NLGN1: variants seen among roughly 807,000 people sequenced by gnomAD.
The protein encoded by NLGN1 is neuroligin-1.
A neutral mutation model predicts 65.5 loss-of-function variants in NLGN1; 12 were observed. That is an observed-to-expected ratio of 0.18 (90% CI 0.12 to 0.30). The LOEUF is 0.30. Ranked by LOEUF, NLGN1 falls within the 10% of genes least tolerant of loss-of-function variation. NLGN1 has a pLI of 1.00. For missense variants in NLGN1, 750 were observed against 1,007.1 expected (o/e 0.74, Z 3.46); for synonymous variants, 350 against 359.5 (o/e 0.97, Z 0.30).
At chr3:173,910,437 A>G (rs961612841) in intron 4 of NLGN1, 2 of 152,190 alleles carry the variant, frequency 1.3e-5, no homozygotes. Context: ...ACATATGATC[A>G]TTCTAAGCCT....
rs9820130 is a variant in NLGN1, at chr3:173,649,662, C to T, written c.493+44571C>T. Reference sequence around the variant, plus strand: ...AGGTACTTATCGTTCTATCTCACAACACACAGGCAACTATAATCACACACA... The same window carrying T: ...AGGTACTTATCGTTCTATCTCACAATACACAGGCAACTATAATCACACACA... On this transcript the variant is annotated intron_variant, in intron 3 of 6. Coordinates refer to ENST00000457714, the Ensembl canonical transcript of NLGN1. Among the ~76,000 whole-genome samples, 1,159 of 152,114 alleles carry T rather than the reference C, an allele frequency of 7.6e-3. 19 individuals are homozygous for T. Among genetic ancestry groups the T allele is most frequent in the African/African-American group, 0.027 (1,107 of 41,506 alleles).
intron 4 of NLGN1, among the ~76,000 whole-genome samples, chr3:173,831,024 C>T (rs1722451260): frequency 6.6e-6 from 1 of 152,180 alleles, no homozygotes; most frequent in Admixed American, 6.5e-5. Context: ...TTATAGCTCT[C>T]AATTTGGTCA....
In NLGN1 at chr3:173,598,324, A is replaced by G. The variant is rs530810073; in HGVS notation, c.-320-5955A>G. 2.6e-5 allele frequency among the ~76,000 whole-genome samples: 4 copies of G among 152,288 alleles called. No individual in the cohort carries two copies. In the South Asian group the frequency reaches 8.3e-4, roughly 32 times the overall value. ...TATGCATCAATAGCCTTGTGATGAC[A>G]CTGCTGTTACATCATATATTCATAT... On this transcript the variant is annotated intron_variant, in intron 2 of 6. Transcript: ENST00000457714.
intron 2 of NLGN1, among the ~76,000 whole-genome samples, chr3:173,505,220 T>C (rs1443531597): frequency 1.3e-5 from 2 of 152,082 alleles, no homozygotes. Flanking sequence ...TTTTAATTTA[T>C]GAACACCTCC....
At chr3:173,865,420 C>G (rs895312555) in intron 4 of NLGN1, among the ~76,000 whole-genome samples, 1 of 152,068 alleles carries the variant, frequency 6.6e-6, no homozygotes, top group Admixed American at 6.6e-5. Context: ...CTTACATGTA[C>G]ATAATAATAA....
intron 4 of NLGN1, among the ~76,000 whole-genome samples, chr3:174,068,500 C>A (rs1739144167): frequency 6.6e-6 from 1 of 152,020 alleles, no homozygotes; most frequent in African/African-American, 2.4e-5. Context: ...GCCTAAAATG[C>A]CAATTTCCAG....
intron 4 of NLGN1, among the ~76,000 whole-genome samples, chr3:173,957,167 G>C (rs151269285): frequency 1.3e-5 from 2 of 152,062 alleles, no homozygotes; most frequent in Non-Finnish European, 2.9e-5. Context: ...AGTGGTAAAA[G>C]TATATGTCTT....
At chr3:173,638,020 A>C (rs138457259) in intron 3 of NLGN1, among the ~76,000 whole-genome samples, 2 of 152,188 alleles carry the variant, frequency 1.3e-5, no homozygotes, top group Admixed American at 1.3e-4. Flanking sequence ...GTGCCAGTAG[A>C]TTTTAATAGA....
intron 4 of NLGN1, among the ~76,000 whole-genome samples, chr3:174,050,249 C>T (rs1342767004): frequency 2.6e-5 from 4 of 152,004 alleles, no homozygotes; most frequent in African/African-American, 7.2e-5. Flanking sequence ...AAAGGATGGG[C>T]ACCATTGTAG....
At chr3:173,856,717 A>G (rs1167932126) in intron 4 of NLGN1, among the ~76,000 whole-genome samples, 1 of 152,094 alleles carries the variant, frequency 6.6e-6, no homozygotes, top group Non-Finnish European at 1.5e-5. Flanking sequence ...TAATATTCCA[A>G]GGAGATTTCT....
intron 3 of NLGN1, among the ~76,000 whole-genome samples, chr3:173,742,949 C>A (rs1308243144): frequency 6.6e-6 from 1 of 152,090 alleles, no homozygotes; most frequent in African/African-American, 2.4e-5. Context: ...TTTGCATGTA[C>A]TTGTATTTAA....
chr3:173,969,808 G>A lies in NLGN1; in HGVS notation c.646+161976G>A, dbSNP rs1194845314. Among the ~76,000 whole-genome samples, 6 of 151,726 alleles carry A rather than the reference G, an allele frequency of 4.0e-5. 1 individual carries two copies. The highest frequency in any genetic ancestry group is 4.1e-4 in the South Asian group (2 of 4,826). On this transcript the variant is annotated intron_variant, in intron 4 of 6. Coordinates refer to ENST00000457714, the Ensembl canonical transcript of NLGN1. ...CTTTCATACAGAAGGGTGCCTCTGCGTAGAATCAAAATTGCTACCAAAAAA... is the reference window on the plus strand; with the variant it reads ...CTTTCATACAGAAGGGTGCCTCTGCATAGAATCAAAATTGCTACCAAAAAA...
At chr3:173,454,535 T>G (rs1381558347) in intron 2 of NLGN1, among the ~76,000 whole-genome samples, 1 of 152,216 alleles carries the variant, frequency 6.6e-6, no homozygotes, top group Non-Finnish European at 1.5e-5. Flanking sequence ...GGTGGCAGCT[T>G]CTATGTCAGC....
At chr3:173,894,318 G>A (rs1012775984) in intron 4 of NLGN1, among the ~76,000 whole-genome samples, 10 of 152,138 alleles carry the variant, frequency 6.6e-5, no homozygotes, top group African/African-American at 2.2e-4. Flanking sequence ...AGAGGTAAAA[G>A]GAAGGCAACC....
At chr3:173,459,267 A>G (rs1221976113) in intron 2 of NLGN1, among the ~76,000 whole-genome samples, 2 of 152,062 alleles carry the variant, frequency 1.3e-5, no homozygotes, top group Non-Finnish European at 2.9e-5. Flanking sequence ...CTTTCAATGC[A>G]TTTTTTAAAA....
chr3:174,070,308 C>A (rs1274568966), intron 4 of NLGN1, among the ~76,000 whole-genome samples: 1 of 151,326 alleles, frequency 6.6e-6, no homozygotes, highest in Non-Finnish European at 1.5e-5. Flanking sequence ...TAGTTCATAA[C>A]ATATACCTCA....
intron 2 of NLGN1, among the ~76,000 whole-genome samples, chr3:173,514,860 G>A (rs138822157): frequency 1.3e-5 from 2 of 152,238 alleles, no homozygotes; most frequent in East Asian, 1.9e-4. Context: ...GGGCTGAATA[G>A]TATTTTATTG....
At chr3:173,988,461 G>T (rs1328065951) in intron 4 of NLGN1, among the ~76,000 whole-genome samples, 1 of 151,980 alleles carries the variant, frequency 6.6e-6, no homozygotes, top group Non-Finnish European at 1.5e-5. Flanking sequence ...TTTTTTAAGG[G>T]TTTCCTATAG....
At chr3:174,079,280 T>C (rs915555246) in intron 4 of NLGN1, among the ~76,000 whole-genome samples, 1 of 152,012 alleles carries the variant, frequency 6.6e-6, no homozygotes, top group Non-Finnish European at 1.5e-5. Context: ...AACACTCATA[T>C]GAAAAAAAGC....
Sources: allele counts gnomAD v4.1 joint callset (sites outside exome capture counted in the v4.1 genomes callset), GRCh38; gene constraint gnomAD v4.1.1; transcripts MANE v1.5; gene names NCBI Gene and HGNC (gene_info 2026-07-23, HGNC 2026-07-21).